PTPN2: variants seen among roughly 807,000 people sequenced by gnomAD.
PTPN2 encodes tyrosine-protein phosphatase non-receptor type 2.
In PTPN2, 19 loss-of-function variants were observed where a neutral mutation model predicts 57.3. That is an observed-to-expected ratio of 0.33 (90% CI 0.23 to 0.49). PTPN2 has a LOEUF of 0.49. PTPN2 is among the 20% of genes least tolerant of loss of function. The probability of loss-of-function intolerance (pLI) is 0.99; values close to 1 mark genes in which losing one functional copy is unlikely to be tolerated. For missense variants in PTPN2, 358 were observed against 501.1 expected (o/e 0.71, Z 2.73); for synonymous variants, 153 against 164.9 (o/e 0.93, Z 0.55).
chr18:12,807,961 A>G (rs536969389), intron 7 of PTPN2, among the ~76,000 whole-genome samples: 42 of 152,206 alleles, frequency 2.8e-4, no homozygotes, highest in African/African-American at 9.4e-4. Flanking sequence ...GGGCGGGCAG[A>G]TCGCTTGAGC....
chr18:12,807,777 A>G (rs924172767), intron 7 of PTPN2, among the ~76,000 whole-genome samples: 1 of 151,680 alleles, frequency 6.6e-6, no homozygotes, highest in Non-Finnish European at 1.5e-5. Context: ...AATAGTACCT[A>G]CTGGAGGCTT....
chr18:12,873,361 C>T (rs1171933093), intron 1 of PTPN2, among the ~76,000 whole-genome samples: 1 of 152,232 alleles, frequency 6.6e-6, no homozygotes, highest in Non-Finnish European at 1.5e-5. Context: ...TGTACTGCTG[C>T]CATCTCGGCT....
chr18:12,819,614 C>T (rs760400219), intron 5 of PTPN2, among the ~76,000 whole-genome samples: 5 of 150,190 alleles, frequency 3.3e-5, no homozygotes, highest in Admixed American at 6.6e-5. Context: ...AGTCACAACA[C>T]GACTGTACAC....
intron 1 of PTPN2, chr18:12,883,802 C>T: frequency 3.1e-6 from 1 of 321,654 alleles, no homozygotes; most frequent in Non-Finnish European, 5.7e-6. Flanking sequence ...CCCCAAGAAG[C>T]CGCTGTGGCA....
intron 1 of PTPN2, among the ~76,000 whole-genome samples, chr18:12,866,437 AAAAACAAAACAAAACAAAAC>A (rs200227789): frequency 0.047 from 6,989 of 148,376 alleles, 541 homozygotes; most frequent in African/African-American, 0.16. Context: ...GACTCCTCTC[AAAAACAAAACAAAACAAAAC>A]AAAACAAAAC....
intron 1 of PTPN2, among the ~76,000 whole-genome samples, chr18:12,874,063 T>G (rs1426981752): frequency 6.6e-6 from 1 of 150,926 alleles, no homozygotes; most frequent in Non-Finnish European, 1.5e-5. Context: ...AGCCGCCCCG[T>G]CTGAGAAGTG....
intron 4 of PTPN2, 51 bp downstream of exon 4, chr18:12,830,892 G>A: frequency 3.0e-6 from 4 of 1,350,944 alleles, no homozygotes; most frequent in Non-Finnish European, 4.2e-6. Context: ...ATCTTTATAT[G>A]CTAATGATCA....
intron 6 of PTPN2, among the ~76,000 whole-genome samples, chr18:12,814,578 T>C (rs1193973375): frequency 2.0e-5 from 3 of 152,226 alleles, no homozygotes; most frequent in Non-Finnish European, 4.4e-5. Context: ...TTTGATTCTT[T>C]AGCTGATTCA....
Position 12,869,425 on chromosome 18 carries a change from C to T in PTPN2, c.70-10171G>A, listed in dbSNP as rs1401441668. 3.9e-5 allele frequency among the ~76,000 whole-genome samples: 6 copies of T among 152,266 alleles called. No individual in the cohort carries two copies. In the East Asian group the frequency reaches 1.2e-3, roughly 29 times the overall value. On this transcript the variant is annotated intron_variant, in intron 1 of 8. Coordinates refer to ENST00000309660, the MANE Select transcript of PTPN2 (RefSeq NM_002828.4). ...ATCTGCCTGCCTCGGCCTTCCAAAGCGCTGGTATCACAGGCGTGAGCCATG... is the reference window on the plus strand; with the variant it reads ...ATCTGCCTGCCTCGGCCTTCCAAAGTGCTGGTATCACAGGCGTGAGCCATG...
chr18:12,792,323 G>GC lies in PTPN2; in HGVS notation c.*1954dup, dbSNP rs1293032992. The GC allele has an allele frequency of 1.2e-6, 1 of 815,174 alleles. No individual in the cohort carries two copies. The highest frequency in any genetic ancestry group is 1.3e-4 in the East Asian group (1 of 7,452). The allele number at this position is 815,174 out of a possible 1,614,324, so 50.5% of individuals were successfully genotyped here. A position where few individuals can be genotyped will look rare whatever the true frequency, so the allele number is the denominator to read the frequency against. On this transcript the variant is annotated 3_prime_UTR_variant, in exon 9 of 9. Coordinates refer to ENST00000309660, the MANE Select transcript of PTPN2 (RefSeq NM_002828.4). The stretch of plus-strand genomic sequence containing the variant: ...TTTTGAGACGAAGTCTTGCTCTGTT[G>GC]CCAGGCTGGAGTGCAGTGGTGCAAT...
chr18:12,840,774 C>A (rs1171223938), intron 2 of PTPN2: 10 of 1,598,362 alleles, frequency 6.3e-6, no homozygotes, highest in African/African-American at 1.3e-5. Context: ...CCTTTACCAT[C>A]CTTTCCATAC....
At chr18:12,836,090 T>C (rs1297010976) in intron 3 of PTPN2, among the ~76,000 whole-genome samples, 2 of 152,238 alleles carry the variant, frequency 1.3e-5, no homozygotes, top group Non-Finnish European at 2.9e-5. Flanking sequence ...TCTCAAATAT[T>C]ATGGTATATC....
At chr18:12,786,000 C>T in intron 9 of PTPN2, 1 of 639,300 alleles carries the variant, frequency 1.6e-6, no homozygotes, top group Admixed American at 3.1e-5. Context: ...AAGTGCTGCA[C>T]TGTTATCTTA....
At chr18:12,870,453 A>G (rs12958387) in intron 1 of PTPN2, among the ~76,000 whole-genome samples, 5 of 60,810 alleles carry the variant, frequency 8.2e-5, no homozygotes, top group Non-Finnish European at 1.1e-4. Context: ...ATATATATAT[A>G]TATATATATA....
intron 1 of PTPN2, among the ~76,000 whole-genome samples, chr18:12,860,149 C>T (rs1011635965): frequency 6.6e-6 from 1 of 151,918 alleles, no homozygotes; most frequent in Admixed American, 6.6e-5. Flanking sequence ...ATCAGCTAGG[C>T]GTGGTGATGG....
intron 7 of PTPN2, among the ~76,000 whole-genome samples, chr18:12,808,835 C>A (rs1438586898): frequency 2.0e-5 from 3 of 152,122 alleles, no homozygotes; most frequent in Non-Finnish European, 4.4e-5. Context: ...TAGCACTGCA[C>A]AAAAAACACA....
rs2041027247 is a variant in PTPN2 at position 12,792,890 on chromosome 18, C to T, written c.*1388G>A. 1.0e-6 allele frequency: 1 copy of T among 981,006 alleles called. No individual in the cohort carries two copies. Among genetic ancestry groups the T allele is most frequent in the Non-Finnish European group, 1.2e-6 (1 of 825,992 alleles). 60.8% of individuals were successfully genotyped at this position (981,006 alleles called of 1,614,324 possible). On this transcript the variant is annotated 3_prime_UTR_variant, in exon 9 of 9. Transcript: ENST00000309660. ...ACAGGCATGAGCCACCGCGCCCGAC[C>T]AAACTGTTTTTAAATGATAACTGCC... is the stretch of plus-strand genomic sequence containing the variant.
At chr18:12,831,364 GC>G (rs1336670078) in intron 3 of PTPN2, among the ~76,000 whole-genome samples, 1 of 152,196 alleles carries the variant, frequency 6.6e-6, no homozygotes, top group African/African-American at 2.4e-5. Flanking sequence ...GCAAGGTCCT[GC>G]CCCAAAGAAA....
At chr18:12,818,834 C>T (rs1273101570) in intron 5 of PTPN2, 1 of 152,836 alleles carries the variant, frequency 6.5e-6, no homozygotes, top group Non-Finnish European at 1.5e-5. Context: ...TGGCTCACAC[C>T]TATAATCCCA....
Sources: gnomAD v4.1 joint callset for allele counts (sites outside exome capture counted in the v4.1 genomes callset) on GRCh38, gnomAD v4.1.1 for gene constraint, MANE v1.5 for transcripts, NCBI Gene and HGNC (gene_info 2026-07-23, HGNC 2026-07-21) for gene names.